Variants in GABRB2 observed in about 807,000 individuals in gnomAD.
The protein encoded by GABRB2 is gamma-aminobutyric acid type A receptor subunit beta2, also known as gamma-aminobutyric acid receptor subunit beta-2.
A neutral mutation model predicts 54.7 loss-of-function variants in GABRB2; 16 were observed. The observed-to-expected ratio is 0.29, with a 90% CI of 0.20 to 0.44. The LOEUF is 0.44. Among genes scored for constraint, GABRB2 ranks in the 20% least tolerant of loss-of-function variants. The pLI, the probability that GABRB2 is intolerant of heterozygous loss-of-function variation, is 1.00. For missense variants in GABRB2, 355 were observed against 644.0 expected (o/e 0.55, Z 4.86); for synonymous variants, 244 against 233.8 (o/e 1.04, Z -0.40).
rs1164030560 is a variant in GABRB2, at chr5:161,323,282, C to T, written c.1191+3086G>A. On this transcript the variant is annotated intron_variant, in intron 9 of 9. Transcript: ENST00000393959. The stretch of plus-strand genomic sequence containing the variant: ...AAGTGATCCGCCCATCTCAGCCTCC[C>T]AAAGTGCTGGGATTACAGGCGTGAG... 2.0e-5 allele frequency among the ~76,000 whole-genome samples: 3 copies of T among 152,306 alleles called. No homozygotes were observed. In the South Asian group the frequency reaches 6.2e-4, roughly 32 times the overall value.
intron 5 of GABRB2, among the ~76,000 whole-genome samples, chr5:161,364,582 T>C (rs542767135): frequency 1.3e-5 from 2 of 152,326 alleles, no homozygotes; most frequent in East Asian, 3.9e-4. Flanking sequence ...CTACTCCAAC[T>C]ATCCATTTCA....
intron 4 of GABRB2, among the ~76,000 whole-genome samples, chr5:161,415,647 C>A (rs2113128399): frequency 6.6e-6 from 1 of 152,238 alleles, no homozygotes; most frequent in South Asian, 2.1e-4. Context: ...GAGTTTTGCT[C>A]TTTTGCCCAG....
intron 3 of GABRB2, among the ~76,000 whole-genome samples, chr5:161,466,355 A>G (rs1758275968): frequency 6.6e-6 from 1 of 152,070 alleles, no homozygotes; most frequent in Non-Finnish European, 1.5e-5. Flanking sequence ...TCTTTGGTAG[A>G]TATTTTAGGA....
chr5:161,382,427 T>C (rs1450757421), intron 5 of GABRB2, among the ~76,000 whole-genome samples: 1 of 152,212 alleles, frequency 6.6e-6, no homozygotes, highest in Admixed American at 6.5e-5. Context: ...TCACGGATCA[T>C]AGCTTGAACT....
chr5:161,399,856 A>T (rs1756129694), intron 5 of GABRB2, among the ~76,000 whole-genome samples: 1 of 152,132 alleles, frequency 6.6e-6, no homozygotes, highest in Admixed American at 6.5e-5. Context: ...GTTGGGTGAG[A>T]TCTTGTTTGT....
intron 5 of GABRB2, among the ~76,000 whole-genome samples, chr5:161,393,318 A>T (rs1755890751): frequency 6.8e-5 from 3 of 43,998 alleles, no homozygotes; most frequent in African/African-American, 2.0e-4. Flanking sequence ...AAAAAAAAAA[A>T]AAAAAAAAAA....
chr5:161,395,287 A>T (rs2113056235), intron 5 of GABRB2, among the ~76,000 whole-genome samples: 1 of 152,222 alleles, frequency 6.6e-6, no homozygotes, highest in Non-Finnish European at 1.5e-5. Context: ...CCATAGTTTG[A>T]AGAGCTAGTG....
chr5:161,478,833 T>A (rs1758670048), intron 3 of GABRB2, among the ~76,000 whole-genome samples: 1 of 152,096 alleles, frequency 6.6e-6, no homozygotes, highest in African/African-American at 2.4e-5. Context: ...GTGAGGAAAC[T>A]GGCAGAGAGA....
chr5:161,517,843 C>T (rs1429100479), intron 3 of GABRB2, among the ~76,000 whole-genome samples: 8 of 151,464 alleles, frequency 5.3e-5, no homozygotes, highest in African/African-American at 1.9e-4. Flanking sequence ...GTTGCCCATG[C>T]TGGAGTGCAG....
rs1754945703 is a variant in GABRB2 at position 161,365,487 on chromosome 5, A to G, written c.542-28718T>C. Among the ~76,000 whole-genome samples, 3 of 152,200 alleles carry G rather than the reference A, an allele frequency of 2.0e-5. No homozygotes were observed. The South Asian group carries it at 6.2e-4, about 31-fold the overall frequency. ...AATTTCACATATGTATGGGGTACAT[A>G]GTGATGTTTTAATACAGATAATGTA... On this transcript the variant is annotated intron_variant, in intron 5 of 9. Transcript: ENST00000393959.
intron 9 of GABRB2, among the ~76,000 whole-genome samples, chr5:161,302,005 C>T (rs991004833): frequency 2.6e-5 from 4 of 152,318 alleles, no homozygotes; most frequent in African/African-American, 9.6e-5. Context: ...AATCAAGAAA[C>T]AAGTGCTGAA....
intron 4 of GABRB2, among the ~76,000 whole-genome samples, chr5:161,427,451 G>T (rs1359492657): frequency 6.6e-6 from 1 of 152,084 alleles, no homozygotes; most frequent in African/African-American, 2.4e-5. Context: ...TAAAGAATAG[G>T]TTCACCTGTC....
intron 3 of GABRB2, among the ~76,000 whole-genome samples, chr5:161,474,927 A>G (rs1758550182): frequency 6.6e-6 from 1 of 151,958 alleles, no homozygotes; most frequent in Admixed American, 6.6e-5. Flanking sequence ...GCATCTAATT[A>G]TAATGTCTCT....
chr5:161,479,674 C>T (rs1045407878), intron 3 of GABRB2, among the ~76,000 whole-genome samples: 8 of 148,194 alleles, frequency 5.4e-5, no homozygotes, highest in Middle Eastern at 3.5e-3. Context: ...ACAGCAACTT[C>T]CGCCTCCCAG....
intron 9 of GABRB2, among the ~76,000 whole-genome samples, chr5:161,316,459 C>T (rs1199462858): frequency 6.6e-6 from 1 of 152,212 alleles, no homozygotes; most frequent in Non-Finnish European, 1.5e-5. Context: ...GGTTTGCCTA[C>T]ACCCAAGGCA....
At chr5:161,407,011 C>T (rs922247864) in intron 5 of GABRB2, among the ~76,000 whole-genome samples, 5 of 152,066 alleles carry the variant, frequency 3.3e-5, no homozygotes, top group Non-Finnish European at 7.4e-5. Flanking sequence ...CCAACTTACT[C>T]AGAGATAAGA....
At chr5:161,323,620 A>G (rs1758280479) in intron 9 of GABRB2, among the ~76,000 whole-genome samples, 3 of 152,066 alleles carry the variant, frequency 2.0e-5, no homozygotes, top group African/African-American at 7.2e-5. Context: ...TTTTCTATTG[A>G]CATTTTATTA....
intron 8 of GABRB2, chr5:161,327,012 T>C (rs1177705866): frequency 1.0e-6 from 1 of 976,230 alleles, no homozygotes; most frequent in Non-Finnish European, 1.2e-6. Flanking sequence ...GAACAGTGGG[T>C]GAAATCAATC....
chr5:161,395,257 A>AT (rs1755959385), intron 5 of GABRB2, among the ~76,000 whole-genome samples: 1 of 151,992 alleles, frequency 6.6e-6, no homozygotes, highest in Non-Finnish European at 1.5e-5. Context: ...CAATAGTCCC[A>AT]TTTTTCCCCT....
Sources: gnomAD v4.1 joint callset for allele counts (sites outside exome capture counted in the v4.1 genomes callset) on GRCh38, gnomAD v4.1.1 for gene constraint, MANE v1.5 for transcripts, NCBI Gene and HGNC (gene_info 2026-07-23, HGNC 2026-07-21) for gene names.